The following DGKG variants were observed in gnomAD, a reference collection of about 807,000 sequenced individuals.
The protein encoded by DGKG is diacylglycerol kinase gamma.
In DGKG, 78 loss-of-function variants were observed where a neutral mutation model predicts 105.3. That is an observed-to-expected ratio of 0.74 (90% CI 0.62 to 0.89). The LOEUF (loss-of-function observed/expected upper bound fraction) is 0.89, where lower values mean the gene tolerates loss of function less well. DGKG is among the 40% of genes least tolerant of loss of function. The pLI, the probability that DGKG is intolerant of heterozygous loss-of-function variation, is 0.00. For missense variants in DGKG, 958 were observed against 1,020.1 expected (o/e 0.94, Z 0.83); for synonymous variants, 346 against 367.1 (o/e 0.94, Z 0.66).
chr3:186,151,666 G>A (rs1427999791), intron 24 of DGKG, among the ~76,000 whole-genome samples: 1 of 152,162 alleles, frequency 6.6e-6, no homozygotes, highest in African/African-American at 2.4e-5. Flanking sequence ...AAGCATGAGA[G>A]ATGGCATTCT....
chr3:186,304,556 T>A (rs1455658159), intron 3 of DGKG, among the ~76,000 whole-genome samples: 4 of 152,176 alleles, frequency 2.6e-5, no homozygotes, highest in African/African-American at 4.8e-5. Context: ...ATCCTGCAGA[T>A]CAGTCACTTT....
intron 1 of DGKG, among the ~76,000 whole-genome samples, chr3:186,324,104 CAAAAAAAA>C (rs561960985): frequency 3.4e-5 from 2 of 58,370 alleles, no homozygotes; most frequent in Non-Finnish European, 6.9e-5. Flanking sequence ...GAGAGTCTGT[CAAAAAAAA>C]AAAAAAAAAA....
At chr3:186,299,767 C>CTCCTTCTTTCTT (rs1723783662) in intron 3 of DGKG, among the ~76,000 whole-genome samples, 1 of 95,474 alleles carries the variant, frequency 1.0e-5, no homozygotes, top group East Asian at 3.5e-4. Flanking sequence ...TTCTTCTTTT[C>CTCCTTCTTTCTT]TCTTTCTTTC....
chr3:186,261,870 G>A, intron 14 of DGKG, 92 bp from the exon 15 acceptor site: 1 of 802,236 alleles, frequency 1.2e-6, no homozygotes. Context: ...CGGAGAGGCA[G>A]ATGAGAAGCA....
chr3:186,320,530 G>A lies in DGKG; in HGVS notation c.-71C>T. On this transcript the variant is annotated 5_prime_UTR_variant, in exon 2 of 25. Transcript: ENST00000265022. ...TTCACTAGGCTGAAGTGGAGGCCCA[G>A]CCCAGGGCCTGGCTCATTGCAGGTT... The A allele has an allele frequency of 6.2e-7, 1 of 1,612,422 alleles. No homozygotes were observed.
intron 6 of DGKG, among the ~76,000 whole-genome samples, chr3:186,285,451 G>T (rs971349110): frequency 6.6e-6 from 1 of 152,218 alleles, no homozygotes; most frequent in Non-Finnish European, 1.5e-5. Context: ...TCGGAAATAC[G>T]CTATTCAGAA....
intron 19 of DGKG, among the ~76,000 whole-genome samples, chr3:186,248,289 C>T (rs531908250): frequency 6.6e-4 from 100 of 152,382 alleles, no homozygotes; most frequent in African/African-American, 2.4e-3. Context: ...CTTCTGCAGG[C>T]AGCTGCGCTG....
intron 11 of DGKG, 78 bp from the exon 12 acceptor site, chr3:186,268,995 C>A (rs1722191778): frequency 2.0e-6 from 2 of 1,021,356 alleles, no homozygotes; most frequent in Middle Eastern, 2.2e-4. Context: ...GGAGAAGGAT[C>A]TGGGAGGGGA....
At chr3:186,208,439 G>A (rs865966357) in intron 21 of DGKG, among the ~76,000 whole-genome samples, 103 of 2,140 alleles carry the variant, frequency 0.048, no homozygotes, top group East Asian at 0.14. Flanking sequence ...AAAAAAAAAA[G>A]AAGAAAAAAA....
rs536937520 is a variant in DGKG, at chr3:186,216,842, T to C, written c.1827-4957A>G. 2.6e-5 allele frequency among the ~76,000 whole-genome samples: 4 copies of C among 152,310 alleles called. No individual in the cohort carries two copies. In the South Asian group the frequency reaches 8.3e-4, roughly 32 times the overall value. ...TGCTGCAGAATGTGGCACTGAGCTT[T>C]TGTCTGTTTCATCTTCTATTGTACA... On this transcript the variant is annotated intron_variant, in intron 20 of 24. Coordinates refer to ENST00000265022, the MANE Select transcript of DGKG (RefSeq NM_001346.3).
At chr3:186,309,183 G>A (rs981920331) in intron 2 of DGKG, among the ~76,000 whole-genome samples, 15 of 152,204 alleles carry the variant, frequency 9.9e-5, no homozygotes, top group Non-Finnish European at 1.3e-4. Flanking sequence ...AACTGAGGCT[G>A]CCCTATAAAG....
At chr3:186,168,124 G>T (rs1164096157) in intron 22 of DGKG, among the ~76,000 whole-genome samples, 1 of 152,146 alleles carries the variant, frequency 6.6e-6, no homozygotes, top group Non-Finnish European at 1.5e-5. Context: ...GAAAGTCACA[G>T]GATGAAGAAA....
intron 1 of DGKG, among the ~76,000 whole-genome samples, chr3:186,343,020 A>T (rs1466422510): frequency 2.0e-5 from 3 of 152,228 alleles, no homozygotes; most frequent in Non-Finnish European, 4.4e-5. Context: ...ATGTGAAAAA[A>T]ATAGCTGAAA....
intron 21 of DGKG, 39 bp downstream of exon 21, chr3:186,211,756 C>T (rs770451943): frequency 8.7e-6 from 13 of 1,487,810 alleles, no homozygotes; most frequent in East Asian, 4.5e-5. Flanking sequence ...AGGAGCAGAA[C>T]CAAGATCCAG....
At chr3:186,169,598 G>A (rs1391053051) in intron 22 of DGKG, among the ~76,000 whole-genome samples, 1 of 152,156 alleles carries the variant, frequency 6.6e-6, no homozygotes, top group Non-Finnish European at 1.5e-5. Context: ...TACACAACAT[G>A]TCATTCCCCA....
rs766280254 is a variant in DGKG, at chr3:186,275,544, C to A, written c.910+3G>T. 2 of 1,613,336 alleles carry A rather than the reference C, an allele frequency of 1.2e-6. No homozygotes were observed. The highest frequency in any genetic ancestry group is 2.2e-5 in the South Asian group (2 of 91,068). ...GGAAGAGGTTTGAAGGAAATTTACT[C>A]ACAAGTGCAGCACAGGCCTTGCTTG... On this transcript the variant is annotated splice_donor_region_variant and intron_variant, in intron 10 of 24. Coordinates refer to ENST00000265022, the MANE Select transcript of DGKG (RefSeq NM_001346.3).
chr3:186,344,877 C>T (rs554579310), intron 1 of DGKG, among the ~76,000 whole-genome samples: 4 of 152,112 alleles, frequency 2.6e-5, no homozygotes, highest in Admixed American at 6.5e-5. Flanking sequence ...AAATGTTCTA[C>T]GAGCCCTAGA....
intron 1 of DGKG, among the ~76,000 whole-genome samples, chr3:186,350,626 A>G (rs1203268097): frequency 6.6e-6 from 1 of 152,208 alleles, no homozygotes; most frequent in African/African-American, 2.4e-5. Flanking sequence ...TTACTGGATC[A>G]TACAGTGATT....
intron 19 of DGKG, among the ~76,000 whole-genome samples, chr3:186,249,608 G>A (rs909999646): frequency 1.3e-5 from 2 of 152,198 alleles, no homozygotes; most frequent in Non-Finnish European, 2.9e-5. Flanking sequence ...TTGGGAGGCT[G>A]AGGCAGGTGG....
Sources: gnomAD v4.1 joint callset for allele counts (sites outside exome capture counted in the v4.1 genomes callset) on GRCh38, gnomAD v4.1.1 for gene constraint, MANE v1.5 for transcripts, NCBI Gene and HGNC (gene_info 2026-07-23, HGNC 2026-07-21) for gene names.